MCM5: variants seen among roughly 807,000 people sequenced by gnomAD.
MCM5 encodes the protein DNA replication licensing factor MCM5.
In MCM5, 46 loss-of-function variants were observed where a neutral mutation model predicts 79.9. The ratio of observed to expected loss-of-function variants is 0.58; its 90% confidence interval spans 0.45 to 0.74. MCM5 has a LOEUF of 0.74. Among genes scored for constraint, MCM5 ranks in the 30% least tolerant of loss-of-function variants. The pLI is 0.00. For missense variants in MCM5, 883 were observed against 1,017.0 expected (o/e 0.87, Z 1.79); for synonymous variants, 404 against 390.5 (o/e 1.03, Z -0.41).
chr22:35,452,966 T>C, the MCM5 span, among the ~76,000 whole-genome samples: 1 of 151,714 alleles, frequency 6.6e-6, no homozygotes, highest in Admixed American at 6.6e-5. Context: ...GCTTTGCAGA[T>C]GAGGAAACTG....
chr22:35,403,488 C>G lies in MCM5; in HGVS notation c.369C>G (p.Asp123Glu). ...CTTCTGGGGAGGAGGTGCTCCAGGACATCCAGGTCATGCTCAAGTCGGACG... is the reference window on the plus strand; with the variant it reads ...CTTCTGGGGAGGAGGTGCTCCAGGAGATCCAGGTCATGCTCAAGTCGGACG... ...PRPSGEEVLQ[D>E]IQVMLKSDAS... The change falls in exon 4 of 17, where the codon GAC (aspartate) becomes GAG (glutamate). Residue 123 changes from aspartate (D) to glutamate (E), a missense_variant. This residue lies in a region of MCM5 where 455 missense variants were observed against 517.5 expected (regional missense o/e 0.88). Coordinates refer to ENST00000216122, the MANE Select transcript of MCM5 (RefSeq NM_006739.4). 1 of 1,614,164 alleles carries G rather than the reference C, an allele frequency of 6.2e-7. No individual in the cohort carries two copies. The highest frequency in any genetic ancestry group is 8.5e-7 in the Non-Finnish European group (1 of 1,180,036).
chr22:35,406,742 G>A lies in MCM5; in HGVS notation c.596+17G>A, dbSNP rs2307339. On this transcript the variant is annotated intron_variant, in intron 5 of 16. Transcript: ENST00000216122. The stretch of plus-strand genomic sequence containing the variant: ...GTGCAACACGTGAGTCTGTGGCCCA[G>A]AGGGACTGTGGGAGGTGACCTGAGT... 1 of 1,603,294 alleles carries A rather than the reference G, an allele frequency of 6.2e-7. No homozygotes were observed. Among genetic ancestry groups the A allele is most frequent in the Non-Finnish European group, 8.5e-7 (1 of 1,179,600 alleles).
chr22:35,452,499 C>T, the MCM5 span, among the ~76,000 whole-genome samples: 2 of 152,190 alleles, frequency 1.3e-5, no homozygotes, highest in Admixed American at 6.5e-5. Flanking sequence ...GGCCGCCTCA[C>T]GTTCCTCCAC....
chr22:35,403,371 T>C (rs1425025837), intron 3 of MCM5, 38 bp downstream of exon 3: 1 of 1,613,966 alleles, frequency 6.2e-7, no homozygotes, highest in Non-Finnish European at 8.5e-7. Flanking sequence ...CCAGGGCTGC[T>C]CTGCCCCAGT....
Position 35,415,953 on chromosome 22 carries a change from G to T in MCM5, c.1328G>T (p.Cys443Phe). The T allele has an allele frequency of 6.2e-7, 1 of 1,613,746 alleles. No individual in the cohort carries two copies. The highest frequency in any genetic ancestry group is 8.5e-7 in the Non-Finnish European group (1 of 1,179,642). ...AMVLADGGVV[C>F]IDEFDKMRED... ...GTCCTGGCCGATGGTGGGGTCGTCT[G>T]TATTGACGAGTTTGACAAGGTGAGT... is the stretch of plus-strand genomic sequence containing the variant. The change falls in exon 10 of 17, where the codon TGT (cysteine) becomes TTT (phenylalanine). Residue 443 changes from cysteine (C) to phenylalanine (F), a missense_variant. Transcript: ENST00000216122.
the MCM5 span, among the ~76,000 whole-genome samples, chr22:35,451,821 C>T: frequency 2.6e-5 from 4 of 152,170 alleles, no homozygotes; most frequent in Non-Finnish European, 5.9e-5. Context: ...GCATGAGAGG[C>T]GGGGAAGCCC....
chr22:35,415,824 C>T lies in MCM5; in HGVS notation c.1204-5C>T, dbSNP rs752012751. The stretch of plus-strand genomic sequence containing the variant: ...TTGGGCCCTGACACCACCCCACTGC[C>T]CCAGGTATACACGTCTGGGAAAGGC... On this transcript the variant is annotated splice_region_variant and splice_polypyrimidine_tract_variant and intron_variant, in intron 9 of 16. Transcript: ENST00000216122. 6.8e-6 allele frequency: 11 copies of T among 1,610,594 alleles called. No individual in the cohort carries two copies. Among genetic ancestry groups the T allele is most frequent in the Non-Finnish European group, 9.3e-6 (11 of 1,178,190 alleles).
chr22:35,419,844 C>T, intron 13 of MCM5, 40 bp from the exon 14 acceptor site: 2 of 1,555,980 alleles, frequency 1.3e-6, no homozygotes, highest in Non-Finnish European at 8.7e-7. Flanking sequence ...CCTAAGAGTC[C>T]CTCCTGGCCT....
At chr22:35,430,132 A>C (rs1487230034), downstream of MCM5, among the ~76,000 whole-genome samples, 3 of 152,218 alleles carry the variant, frequency 2.0e-5, no homozygotes, top group Admixed American at 2.0e-4. Context: ...GGTATTGAGC[A>C]TGGTACCTTT....
downstream of MCM5, among the ~76,000 whole-genome samples, chr22:35,429,187 T>C (rs1932797286): frequency 6.6e-6 from 1 of 151,948 alleles, no homozygotes; most frequent in African/African-American, 2.4e-5. Flanking sequence ...GATTTCACCA[T>C]GTTGGCCAGG....
chr22:35,408,855 C>G (rs1258719030), intron 6 of MCM5, among the ~76,000 whole-genome samples: 1 of 152,232 alleles, frequency 6.6e-6, no homozygotes, highest in Non-Finnish European at 1.5e-5. Flanking sequence ...ATGTGCATTG[C>G]TTTCCAAAGT....
chr22:35,453,692 A>G, the MCM5 span, among the ~76,000 whole-genome samples: 7 of 151,214 alleles, frequency 4.6e-5, 1 homozygote, highest in African/African-American at 1.5e-4. Context: ...AAAGACAGGG[A>G]GAGAGAGAGA....
At chr22:35,420,615 C>T (rs1287816411) in intron 14 of MCM5, among the ~76,000 whole-genome samples, 3 of 152,220 alleles carry the variant, frequency 2.0e-5, no homozygotes, top group African/African-American at 7.2e-5. Context: ...CCTCAAGCTC[C>T]CCCTTACTCT....
At chr22:35,412,458 G>A in intron 7 of MCM5, 52 bp from the exon 8 acceptor site, 3 of 1,406,214 alleles carry the variant, frequency 2.1e-6, no homozygotes, top group Non-Finnish European at 1.9e-6. Context: ...GATGGGCAGT[G>A]GGCTGGAAGA....
intron 4 of MCM5, 106 bp downstream of exon 4, chr22:35,403,648 C>T: frequency 7.4e-7 from 1 of 1,343,260 alleles, no homozygotes; most frequent in Non-Finnish European, 1.0e-6. Flanking sequence ...CCTTTCTGAA[C>T]CTGTCTCCTC....
chr22:35,405,477 C>T lies in MCM5; in HGVS notation c.424-1076C>T, dbSNP rs528763580. On this transcript the variant is annotated intron_variant, in intron 4 of 16. Coordinates refer to ENST00000216122, the MANE Select transcript of MCM5 (RefSeq NM_006739.4). ...TGCTTCCCCGGTTCAAGCAATTCTC[C>T]GGCCTCAGCCTCCCGAGTAGCTGGG... Among the ~76,000 whole-genome samples, 11 of 152,088 alleles carry T rather than the reference C, an allele frequency of 7.2e-5. No homozygotes were observed. In the South Asian group the frequency reaches 1.5e-3, roughly 20 times the overall value.
the MCM5 span, among the ~76,000 whole-genome samples, chr22:35,451,621 G>A: frequency 6.6e-6 from 1 of 152,244 alleles, no homozygotes; most frequent in Non-Finnish European, 1.5e-5. Flanking sequence ...GGACCCAGGG[G>A]TTGGGTTTCT....
intron 6 of MCM5, chr22:35,410,400 C>T (rs758344888): frequency 3.0e-5 from 10 of 330,164 alleles, no homozygotes; most frequent in Non-Finnish European, 5.4e-5. Context: ...ACAGCAGACA[C>T]GTGGAGATGG....
the MCM5 span, among the ~76,000 whole-genome samples, chr22:35,450,243 C>T: frequency 5.5e-3 from 833 of 152,272 alleles, 15 homozygotes; most frequent in Admixed American, 0.033. Flanking sequence ...GGTTGAGTTC[C>T]GGAGAGGCTG....
Sources: allele counts gnomAD v4.1 joint callset (sites outside exome capture counted in the v4.1 genomes callset), GRCh38; gene constraint gnomAD v4.1.1; regional missense constraint gnomAD v4.1.1; transcripts MANE v1.5; gene names NCBI Gene and HGNC (gene_info 2026-07-23, HGNC 2026-07-21).